SORCS2: variants seen among roughly 807,000 people sequenced by gnomAD.
The protein encoded by SORCS2 is sortilin related VPS10 domain containing receptor 2.
Under a neutral mutation model 141.6 loss-of-function variants are expected in SORCS2, and 100 were observed. The ratio of observed to expected loss-of-function variants is 0.71; its 90% confidence interval spans 0.60 to 0.83. SORCS2 has a LOEUF of 0.83. Among genes scored for constraint, SORCS2 ranks in the 40% least tolerant of loss-of-function variants. The pLI, the probability that SORCS2 is intolerant of heterozygous loss-of-function variation, is 0.00. For missense variants in SORCS2, 1,646 were observed against 1,560.2 expected (o/e 1.05, Z -0.93); for synonymous variants, 789 against 676.9 (o/e 1.17, Z -2.57).
At chr4:7,354,415 C>CAGCCCCAGCTCCCAGTG (rs1721128501) in intron 1 of SORCS2, among the ~76,000 whole-genome samples, 1 of 152,078 alleles carries the variant, frequency 6.6e-6, no homozygotes, top group South Asian at 2.1e-4. Flanking sequence ...CCCCCACCAC[C>CAGCCCCAGCTCCCAGTG]AAATACAGCC....
At chr4:7,341,839 A>AT (rs1423429355) in intron 1 of SORCS2, among the ~76,000 whole-genome samples, 1 of 152,180 alleles carries the variant, frequency 6.6e-6, no homozygotes, top group Non-Finnish European at 1.5e-5. Flanking sequence ...CTCCAGACCC[A>AT]TTAGGCACTT....
intron 11 of SORCS2, among the ~76,000 whole-genome samples, chr4:7,695,382 G>A (rs1428245356): frequency 1.7e-5 from 1 of 59,746 alleles, no homozygotes; most frequent in Non-Finnish European, 3.2e-5. Flanking sequence ...ATGGATGGAT[G>A]GATTGGTGGG....
chr4:7,730,629 C>G (rs1032233417), intron 23 of SORCS2, among the ~76,000 whole-genome samples: 19 of 152,164 alleles, frequency 1.2e-4, no homozygotes, highest in African/African-American at 4.6e-4. Flanking sequence ...TGAAAGAGGC[C>G]AGTTGCAAAA....
At chr4:7,348,406 C>T (rs563997747) in intron 1 of SORCS2, among the ~76,000 whole-genome samples, 12 of 152,206 alleles carry the variant, frequency 7.9e-5, no homozygotes, top group Non-Finnish European at 1.6e-4. Context: ...TTTCTTGTGG[C>T]ATGCATTTGT....
chr4:7,349,378 G>A (rs569109388), intron 1 of SORCS2, among the ~76,000 whole-genome samples: 196 of 152,256 alleles, frequency 1.3e-3, no homozygotes, highest in Non-Finnish European at 2.4e-3. Flanking sequence ...GGTCTTCTGC[G>A]GGCTGCCACT....
chr4:7,666,397 C>T (rs1263452750), intron 7 of SORCS2, among the ~76,000 whole-genome samples: 2 of 152,200 alleles, frequency 1.3e-5, no homozygotes, highest in African/African-American at 4.8e-5. Flanking sequence ...TCATTCTCAA[C>T]AACTGCAGAG....
At chr4:7,738,788 C>A (rs1473696933) in intron 26 of SORCS2, among the ~76,000 whole-genome samples, 1 of 152,146 alleles carries the variant, frequency 6.6e-6, no homozygotes. Context: ...GCCAGCCAGA[C>A]CCCAAAGCCT....
At chr4:7,681,983 G>A (rs982519732) in intron 9 of SORCS2, among the ~76,000 whole-genome samples, 1 of 152,192 alleles carries the variant, frequency 6.6e-6, no homozygotes, top group Admixed American at 6.5e-5. Flanking sequence ...AGTGGGTCTT[G>A]ATAAATACGG....
intron 3 of SORCS2, among the ~76,000 whole-genome samples, chr4:7,637,177 A>T (rs1720311414): frequency 6.6e-6 from 1 of 152,146 alleles, no homozygotes; most frequent in Non-Finnish European, 1.5e-5. Context: ...AGTACTGGGG[A>T]TAGGGATGTT....
chr4:7,377,170 CT>C (rs895989748), intron 1 of SORCS2, among the ~76,000 whole-genome samples: 3 of 151,510 alleles, frequency 2.0e-5, no homozygotes, highest in South Asian at 2.1e-4. Flanking sequence ...CATTGTTTGT[CT>C]TTTTTTTTCC....
chr4:7,221,506 C>CA (rs1462400703), intron 1 of SORCS2, among the ~76,000 whole-genome samples: 1 of 152,250 alleles, frequency 6.6e-6, no homozygotes, highest in Non-Finnish European at 1.5e-5. Context: ...GAACTGGGGG[C>CA]AGGTTCGGAT....
At chr4:7,602,613 G>A (rs1388784429) in intron 3 of SORCS2, among the ~76,000 whole-genome samples, 1 of 151,260 alleles carries the variant, frequency 6.6e-6, no homozygotes, top group Non-Finnish European at 1.5e-5. Context: ...CTGCCGGGAA[G>A]AGGCGCTCCT....
At chr4:7,684,868 G>A (rs774711709) in intron 10 of SORCS2, among the ~76,000 whole-genome samples, 22 of 152,108 alleles carry the variant, frequency 1.4e-4, no homozygotes, top group Non-Finnish European at 8.8e-5. Flanking sequence ...GTGGTACTAA[G>A]AGGGGAGGAA....
chr4:7,509,821 G>T (rs367744398), intron 2 of SORCS2, among the ~76,000 whole-genome samples: 61 of 152,340 alleles, frequency 4.0e-4, no homozygotes, highest in African/African-American at 1.3e-3. Context: ...ATAGGCTCTG[G>T]CTCCTGTCTC....
At chr4:7,362,746 C>T (rs1426166841) in intron 1 of SORCS2, among the ~76,000 whole-genome samples, 2 of 151,726 alleles carry the variant, frequency 1.3e-5, no homozygotes, top group African/African-American at 2.4e-5. Flanking sequence ...ATCATCACCA[C>T]TAACATCACC....
At chr4:7,538,406 G>A (rs538152917) in intron 3 of SORCS2, among the ~76,000 whole-genome samples, 2 of 152,190 alleles carry the variant, frequency 1.3e-5, no homozygotes, top group African/African-American at 4.8e-5. Context: ...GCTTCGGGCC[G>A]ACAGCAGGTT....
intron 4 of SORCS2, among the ~76,000 whole-genome samples, chr4:7,643,500 C>T (rs538771903): frequency 6.6e-6 from 1 of 152,312 alleles, no homozygotes; most frequent in Admixed American, 6.5e-5. Context: ...GATCTGAGCC[C>T]AGGATTGCCT....
chr4:7,408,390 T>TTG (rs1432956036), intron 2 of SORCS2, among the ~76,000 whole-genome samples: 2 of 151,954 alleles, frequency 1.3e-5, no homozygotes, highest in Non-Finnish European at 2.9e-5. Context: ...ATGACAGTTT[T>TTG]TTTTTTCTTT....
At chr4:7,392,435 T>C (rs983533201) in intron 1 of SORCS2, among the ~76,000 whole-genome samples, 1 of 152,160 alleles carries the variant, frequency 6.6e-6, no homozygotes, top group Non-Finnish European at 1.5e-5. Context: ...GTATGGATGC[T>C]CATTCATGTC....
Sources: allele counts gnomAD v4.1 joint callset (sites outside exome capture counted in the v4.1 genomes callset), GRCh38; gene constraint gnomAD v4.1.1; transcripts MANE v1.5; gene names NCBI Gene and HGNC (gene_info 2026-07-23, HGNC 2026-07-21).